SLFN12L: variants seen among roughly 807,000 people sequenced by gnomAD.
SLFN12L encodes the protein schlafen family member 12 like, also known as schlafen family member 12-like.
SLFN12L carries 34 observed loss-of-function variants against 34.8 expected under a neutral mutation model. The ratio of observed to expected loss-of-function variants is 0.98; its 90% CI spans 0.74 to 1.30. The LOEUF (loss-of-function observed/expected upper bound fraction) is 1.30, where lower values mean the gene tolerates loss of function less well. Ranked by LOEUF, SLFN12L falls within the 50% of genes most tolerant of loss-of-function variation. SLFN12L has a pLI of 0.00. For synonymous variants in SLFN12L, 259 were observed against 247.5 expected, an observed-to-expected ratio of 1.05 and a Z score of -0.44; for missense variants, 703 against 696.2, an observed-to-expected ratio of 1.01 and a Z score of -0.11.
At chr17:35,482,596 G>T (rs1305078361) in intron 2 of SLFN12L, among the ~76,000 whole-genome samples, 1 of 152,206 alleles carries the variant, frequency 6.6e-6, no homozygotes, top group Non-Finnish European at 1.5e-5. Context: ...AGGCATCTCT[G>T]CACTCTTGGG....
chr17:35,527,452 A>G (rs1264721656), intron 1 of SLFN12L, among the ~76,000 whole-genome samples: 1 of 152,188 alleles, frequency 6.6e-6, no homozygotes, highest in Non-Finnish European at 1.5e-5. Flanking sequence ...AAAAATCCTC[A>G]AAAAAATACT....
chr17:35,488,061 T>A (rs1157832556), intron 2 of SLFN12L, among the ~76,000 whole-genome samples: 1 of 152,046 alleles, frequency 6.6e-6, no homozygotes, highest in African/African-American at 2.4e-5. Context: ...ACAAAAAAAT[T>A]AGCCGGGCAT....
In SLFN12L at chr17:35,530,497, A is replaced by T. The variant is rs1392952042; in HGVS notation, c.-606+7076T>A. On this transcript the variant is annotated intron_variant, in intron 1 of 4. Transcript: ENST00000628453. ...GAAAGAAAGAAAGAAAGAAAGAAAG[A>T]AAGAAAGAAAGAAAGAAAAGAAAAG... Among the ~76,000 whole-genome samples the T allele has an allele frequency of 5.8e-4, 22 of 37,870 alleles. 1 individual carries two copies. The highest frequency in any genetic ancestry group is 1.6e-3 in the African/African-American group (22 of 13,648). 24.8% of individuals were successfully genotyped at this position (37,870 alleles called of 152,430 possible). A position where few individuals can be genotyped will look rare whatever the true frequency, so the allele number is the denominator to read the frequency against.
At chr17:35,492,218 G>T (rs1206657857) in intron 2 of SLFN12L, among the ~76,000 whole-genome samples, 3 of 152,180 alleles carry the variant, frequency 2.0e-5, no homozygotes, top group Non-Finnish European at 4.4e-5. Flanking sequence ...ATCAGCTTCT[G>T]CAAGGAGCTT....
At position 35,479,807 on chromosome 17, in the gene SLFN12L, G is replaced by T; in HGVS notation, c.475C>A (p.Pro159Thr). Residue 159 changes from proline (P) to threonine (T), a missense_variant, in exon 3 of 5, where the codon CCG (proline) becomes ACG (threonine). By Grantham distance (38) the Pro-to-Thr change is conservative. Transcript: ENST00000628453. ...VKSWSLETSG[P>T]QIATLSSSLY... ...CTGGAGCTCAACGTGGCAATCTGCG[G>T]ACCAGAGGTTTCCAAGCTCCATGAT... is the stretch of plus-strand genomic sequence containing the variant. 1 of 1,610,956 alleles carries T rather than the reference G, an allele frequency of 6.2e-7. No individual in the cohort carries two copies. Among genetic ancestry groups the T allele is most frequent in the African/African-American group, 1.3e-5 (1 of 74,546 alleles).
intron 1 of SLFN12L, among the ~76,000 whole-genome samples, chr17:35,534,532 A>G (rs2072440807): frequency 6.6e-6 from 1 of 152,202 alleles, no homozygotes; most frequent in Admixed American, 6.5e-5. Flanking sequence ...GGTGATGTGG[A>G]CTAAGGTGGG....
Position 35,467,186 on chromosome 17 carries a change from C to A in SLFN12L, c.*7737G>T, listed in dbSNP as rs963384412. The stretch of plus-strand genomic sequence containing the variant: ...AGCTCCTTTGGATTGACTGAGTGAA[C>A]AGCAATAGAAGTTCACGGACTATAT... On this transcript the variant is annotated 3_prime_UTR_variant, in exon 5 of 5. Transcript: ENST00000628453. Among the ~76,000 whole-genome samples the A allele has an allele frequency of 6.6e-6, 1 of 152,212 alleles. No homozygotes were observed. The highest frequency in any genetic ancestry group is 1.5e-5 in the Non-Finnish European group (1 of 68,042).
chr17:35,493,318 A>T (rs1444948983), intron 2 of SLFN12L, among the ~76,000 whole-genome samples: 10 of 152,166 alleles, frequency 6.6e-5, no homozygotes, highest in Non-Finnish European at 1.5e-4. Flanking sequence ...ATGGGAAACC[A>T]TTTATGCCAA....
chr17:35,478,146 G>A lies in SLFN12L; in HGVS notation c.1205C>T (p.Pro402Leu), dbSNP rs117367639. Reference protein sequence around the residue: ...ELPSPASTSSPVSQSYPLREY... With the variant: ...ELPSPASTSSLVSQSYPLREY... ...ACGAAGAGGATAACTCTGGGAGACA[G>A]GTGATGATGTACTTGCTGGAGAGGG... The change falls in exon 4 of 5, where the codon CCT becomes CTT. Residue 402 changes from proline to leucine, a missense_variant. Coordinates refer to ENST00000628453, the MANE Select transcript of SLFN12L (RefSeq NM_001363830.2). 9.2e-3 allele frequency: 14,256 copies of A among 1,542,788 alleles called. 108 individuals carry two copies. Among genetic ancestry groups the A allele is most frequent in the Non-Finnish European group, 0.011 (12,419 of 1,139,368 alleles).
chr17:35,532,818 A>C (rs192446212), intron 1 of SLFN12L, among the ~76,000 whole-genome samples: 12 of 152,028 alleles, frequency 7.9e-5, no homozygotes, highest in Admixed American at 7.9e-4. Flanking sequence ...ACTAGAACCC[A>C]GGAGGCAGAG....
intron 2 of SLFN12L, among the ~76,000 whole-genome samples, chr17:35,519,263 A>C (rs1915929791): frequency 6.6e-6 from 1 of 152,182 alleles, no homozygotes; most frequent in African/African-American, 2.4e-5. Context: ...TCTAGATGAC[A>C]GGTTGATGGG....
rs567623932 is a variant in SLFN12L at position 35,522,758 on chromosome 17, G to A, written c.-394C>T. ...GTGCAAGTGCAGTAGTCCTGGCCCT[G>A]CCAGGGCTGTTCTATGCTATCAGCA... On this transcript the variant is annotated 5_prime_UTR_variant, in exon 2 of 5. Coordinates refer to ENST00000628453, the MANE Select transcript of SLFN12L (RefSeq NM_001363830.2). 1,329 of 1,608,364 alleles carry A rather than the reference G, an allele frequency of 8.3e-4. 1 individual carries two copies. Among genetic ancestry groups the A allele is most frequent in the Non-Finnish European group, 1.1e-3 (1,271 of 1,175,980 alleles).
At position 35,465,244 on chromosome 17, in the gene SLFN12L, A is replaced by G. The variant is rs1274034402; in HGVS notation, c.*9679T>C. 1.3e-5 allele frequency among the ~76,000 whole-genome samples: 2 copies of G among 152,194 alleles called. No individual in the cohort carries two copies. The highest frequency in any genetic ancestry group is 4.8e-5 in the African/African-American group (2 of 41,448). ...ATGCACCAATTGAGAAACCTCGTGG[A>G]CTTAATAAATACTCAAATTATACTT... On this transcript the variant is annotated 3_prime_UTR_variant, in exon 5 of 5. Coordinates refer to ENST00000628453, the MANE Select transcript of SLFN12L (RefSeq NM_001363830.2).
intron 2 of SLFN12L, chr17:35,498,463 A>G: frequency 7.9e-7 from 1 of 1,265,636 alleles, no homozygotes; most frequent in Non-Finnish European, 1.2e-6. Context: ...TTTCTCATCG[A>G]TTCTGATTCC....
rs981785048 is a variant in SLFN12L at position 35,464,963 on chromosome 17, G to A, written c.*9960C>T. ...GCCATCTTGGCTCACTGCAACCCCC[G>A]CCTCCCAGGTTCAAGTGATTCTCCT... On this transcript the variant is annotated 3_prime_UTR_variant, in exon 5 of 5. Coordinates refer to ENST00000628453, the MANE Select transcript of SLFN12L (RefSeq NM_001363830.2). 4.6e-5 allele frequency among the ~76,000 whole-genome samples: 7 copies of A among 152,190 alleles called. No homozygotes were observed. The highest frequency in any genetic ancestry group is 1.9e-4 in the East Asian group (1 of 5,182).
chr17:35,501,166 A>G (rs1422275752), intron 2 of SLFN12L, among the ~76,000 whole-genome samples: 2 of 152,242 alleles, frequency 1.3e-5, no homozygotes, highest in Non-Finnish European at 2.9e-5. Flanking sequence ...GCATCCCTGC[A>G]GGGGACTGCA....
At chr17:35,505,125 G>C (rs1915425247) in intron 2 of SLFN12L, among the ~76,000 whole-genome samples, 1 of 152,190 alleles carries the variant, frequency 6.6e-6, no homozygotes, top group Non-Finnish European at 1.5e-5. Flanking sequence ...CAATATTTCG[G>C]TGGGTGACAG....
chr17:35,519,659 G>A (rs947785625), intron 2 of SLFN12L, among the ~76,000 whole-genome samples: 4 of 152,084 alleles, frequency 2.6e-5, no homozygotes, highest in Admixed American at 2.0e-4. Context: ...AAGTAAATAC[G>A]GTGGATCAAC....
intron 2 of SLFN12L, chr17:35,515,292 A>C (rs914230225): frequency 1.6e-5 from 6 of 382,328 alleles, no homozygotes; most frequent in African/African-American, 2.1e-5. Context: ...CGCCGGCGGG[A>C]CAGGCACTTG....
Sources: gnomAD v4.1 joint callset for allele counts (sites outside exome capture counted in the v4.1 genomes callset) on GRCh38, gnomAD v4.1.1 for gene constraint, MANE v1.5 for transcripts, NCBI Gene and HGNC (gene_info 2026-07-23, HGNC 2026-07-21) for gene names.